Variants in TNIP3 observed in about 807,000 individuals in gnomAD.
TNIP3 encodes TNFAIP3 interacting protein 3, also known as TNFAIP3-interacting protein 3.
Under a neutral mutation model 54.1 loss-of-function variants are expected in TNIP3, and 34 were observed. That is an observed-to-expected ratio of 0.63 (90% CI 0.48 to 0.84). The LOEUF (loss-of-function observed/expected upper bound fraction) is 0.84. Ranked by LOEUF, TNIP3 falls within the 40% of genes least tolerant of loss-of-function variation. The pLI is 0.00. For missense variants in TNIP3, 366 were observed against 387.6 expected (o/e 0.94, Z 0.47); for synonymous variants, 134 against 136.8 (o/e 0.98, Z 0.14).
chr4:121,135,369 T>C (rs1297024270), intron 10 of TNIP3, among the ~76,000 whole-genome samples: 1 of 152,160 alleles, frequency 6.6e-6, no homozygotes, highest in Admixed American at 6.5e-5. Flanking sequence ...CCTTTTCAAA[T>C]GCATGAAGTT....
intron 3 of TNIP3, among the ~76,000 whole-genome samples, chr4:121,173,577 A>C (rs539778665): frequency 6.6e-6 from 1 of 152,132 alleles, no homozygotes; most frequent in Admixed American, 6.5e-5. Context: ...AATGCAGATC[A>C]CTCTGTTTTT....
chr4:121,219,263 C>T (rs1726934429), upstream of TNIP3, among the ~76,000 whole-genome samples: 1 of 152,124 alleles, frequency 6.6e-6, no homozygotes, highest in South Asian at 2.1e-4. Context: ...ACTGGCTGAG[C>T]ATCCTCTGAA....
intron 7 of TNIP3, among the ~76,000 whole-genome samples, chr4:121,144,297 G>T (rs1190016849): frequency 6.6e-6 from 1 of 152,170 alleles, no homozygotes; most frequent in Non-Finnish European, 1.5e-5. Context: ...TAAACTAAAT[G>T]AAACTATTAA....
intron 1 of TNIP3, chr4:121,227,236 T>C (rs1361226135): frequency 4.8e-6 from 3 of 624,004 alleles, no homozygotes; most frequent in African/African-American, 3.7e-5. Context: ...AAACCTTATC[T>C]TAATTGTTAA....
At chr4:121,206,206 T>A (rs1726180713) in intron 2 of TNIP3, among the ~76,000 whole-genome samples, 2 of 152,152 alleles carry the variant, frequency 1.3e-5, no homozygotes, top group South Asian at 4.1e-4. Context: ...AAATTTAGAC[T>A]AGTCTTAGGA....
chr4:121,201,167 G>A (rs1461434008), intron 2 of TNIP3, among the ~76,000 whole-genome samples: 2 of 152,116 alleles, frequency 1.3e-5, no homozygotes, highest in Admixed American at 1.3e-4. Flanking sequence ...TTTGAGGTAT[G>A]AGGAAAGTCC....
chr4:121,184,378 T>A (rs1013292370), intron 2 of TNIP3, among the ~76,000 whole-genome samples: 1 of 152,214 alleles, frequency 6.6e-6, no homozygotes, highest in Admixed American at 6.5e-5. Flanking sequence ...CTGACAGCCA[T>A]GTTTCCATTG....
intron 5 of TNIP3, 99 bp from the exon 6 acceptor site, chr4:121,150,318 G>T: frequency 1.5e-6 from 1 of 650,684 alleles, no homozygotes; most frequent in Non-Finnish European, 2.6e-6. Flanking sequence ...CCACAAATAT[G>T]CATTTCATGT....
At chr4:121,213,428 A>T (rs183335775) in intron 2 of TNIP3, among the ~76,000 whole-genome samples, 10 of 151,968 alleles carry the variant, frequency 6.6e-5, no homozygotes, top group East Asian at 3.9e-4. Flanking sequence ...CATTTTTTTT[A>T]AAAAAAGACA....
intron 2 of TNIP3, among the ~76,000 whole-genome samples, chr4:121,159,385 C>A (rs1378952211): frequency 6.6e-6 from 1 of 151,986 alleles, no homozygotes; most frequent in African/African-American, 2.4e-5. Flanking sequence ...TTGTTTAATC[C>A]AACCACAATC....
At chr4:121,206,071 G>A (rs1241909956) in intron 2 of TNIP3, among the ~76,000 whole-genome samples, 1 of 152,108 alleles carries the variant, frequency 6.6e-6, no homozygotes, top group Non-Finnish European at 1.5e-5. Context: ...CTACTCCCAT[G>A]ATTCAATTAC....
chr4:121,221,093 A>G (rs532846526), upstream of TNIP3, among the ~76,000 whole-genome samples: 2 of 152,362 alleles, frequency 1.3e-5, no homozygotes, highest in Admixed American at 6.5e-5. Flanking sequence ...TGCAGTTTCC[A>G]AAGCTTGAGA....
At chr4:121,154,039 G>A (rs116007809) in intron 5 of TNIP3, among the ~76,000 whole-genome samples, 4 of 151,740 alleles carry the variant, frequency 2.6e-5, no homozygotes, top group African/African-American at 4.8e-5. Context: ...ATGCACACAC[G>A]CACACTTTTC....
At chr4:121,196,147 C>T (rs1397104226) in intron 2 of TNIP3, among the ~76,000 whole-genome samples, 3 of 152,168 alleles carry the variant, frequency 2.0e-5, no homozygotes, top group Non-Finnish European at 1.5e-5. Context: ...AATTTGCTCA[C>T]GGTGAGCTCT....
upstream of TNIP3, among the ~76,000 whole-genome samples, chr4:121,166,351 A>G (rs1730766794): frequency 6.6e-6 from 1 of 152,228 alleles, no homozygotes; most frequent in South Asian, 2.1e-4. Flanking sequence ...GACTTTCAAT[A>G]TGCCATCCCT....
At chr4:121,214,196 C>T (rs1726655839) in intron 2 of TNIP3, among the ~76,000 whole-genome samples, 1 of 152,188 alleles carries the variant, frequency 6.6e-6, no homozygotes, top group African/African-American at 2.4e-5. Context: ...CAGACAAAGA[C>T]ATGGACCGCG....
upstream of TNIP3, among the ~76,000 whole-genome samples, chr4:121,219,719 T>C (rs1259794818): frequency 6.6e-6 from 1 of 152,204 alleles, no homozygotes; most frequent in African/African-American, 2.4e-5. Context: ...CAACGAATTC[T>C]TATACTATTG....
chr4:121,164,791 TA>T (rs1205776238), upstream of TNIP3, among the ~76,000 whole-genome samples: 4 of 152,232 alleles, frequency 2.6e-5, no homozygotes, highest in African/African-American at 9.6e-5. Flanking sequence ...TCTAATCTTC[TA>T]TATTGGCAGA....
chr4:121,208,069 C>G lies in TNIP3; in HGVS notation c.68+8346G>C, dbSNP rs533473083. Among the ~76,000 whole-genome samples, 84 of 152,150 alleles carry G rather than the reference C, an allele frequency of 5.5e-4. 1 individual carries two copies. Among genetic ancestry groups the G allele is most frequent in the Non-Finnish European group, 9.1e-4 (62 of 68,018 alleles). On this transcript the variant is annotated intron_variant, in intron 2 of 12. Transcript: ENST00000507879. Reference sequence around the variant, plus strand: ...CGCCATGATTCTGAGGCCTTTCCAGCCTTGCAGAACTGTAAGTCCAATTAA... The same window carrying G: ...CGCCATGATTCTGAGGCCTTTCCAGGCTTGCAGAACTGTAAGTCCAATTAA...
Sources: allele counts gnomAD v4.1 joint callset (sites outside exome capture counted in the v4.1 genomes callset), GRCh38; gene constraint gnomAD v4.1.1; transcripts MANE v1.5; gene names NCBI Gene and HGNC (gene_info 2026-07-23, HGNC 2026-07-21).